Variants in RIMBP2 observed in about 807,000 individuals in gnomAD.
The protein encoded by RIMBP2 is RIMS binding protein 2.
A neutral mutation model predicts 118.6 loss-of-function variants in RIMBP2; 48 were observed. The ratio of observed to expected loss-of-function variants is 0.40; its 90% confidence interval spans 0.32 to 0.51. RIMBP2 has a LOEUF of 0.51. Among genes scored for constraint, RIMBP2 ranks in the 20% least tolerant of loss-of-function variants. The pLI is 0.41. For missense variants in RIMBP2, 1,551 were observed against 1,768.3 expected (o/e 0.88, Z 2.20); for synonymous variants, 762 against 742.9 (o/e 1.03, Z -0.42).
intron 2 of RIMBP2, among the ~76,000 whole-genome samples, chr12:130,571,878 G>C (rs1040052084): frequency 2.0e-5 from 3 of 152,050 alleles, no homozygotes; most frequent in African/African-American, 4.8e-5. Context: ...AGCCCACCTC[G>C]GGGCTGTACA....
chr12:130,620,310 C>T lies in RIMBP2; in HGVS notation c.-217+8012G>A, dbSNP rs1457832307. ...AGAGCATGTCTCCCACTCCCTCCCA[C>T]CCCAGGCGGGTCATCCTGCAGCTCT... On this transcript the variant is annotated intron_variant, in intron 2 of 22. Transcript: ENST00000690449. The surrounding 1 kb of genome is among the most constrained non-coding windows in gnomAD (Gnocchi z 5.3). 6.6e-6 allele frequency among the ~76,000 whole-genome samples: 1 copy of T among 151,966 alleles called. No individual in the cohort carries two copies. Among genetic ancestry groups the T allele is most frequent in the Non-Finnish European group, 1.5e-5 (1 of 68,034 alleles).
chr12:130,585,981 T>C (rs1206083952), intron 2 of RIMBP2, among the ~76,000 whole-genome samples: 1 of 152,246 alleles, frequency 6.6e-6, no homozygotes, highest in Non-Finnish European at 1.5e-5. Flanking sequence ...CTCATTGTTT[T>C]CCTATGACTG....
chr12:130,532,957 G>T lies in RIMBP2; in HGVS notation c.-216-15040C>A, dbSNP rs1403117954. Among the ~76,000 whole-genome samples the T allele has an allele frequency of 2.0e-5, 3 of 150,072 alleles. No individual in the cohort carries two copies. The East Asian group carries it at 6.0e-4, about 30-fold the overall frequency. Reference sequence around the variant, plus strand: ...AGGAGGGACGTCTAATGAGATGCGTGTGTGTAGCCTCTAGGAGTTACGTCT... The same window carrying T: ...AGGAGGGACGTCTAATGAGATGCGTTTGTGTAGCCTCTAGGAGTTACGTCT... On this transcript the variant is annotated intron_variant, in intron 2 of 22. Transcript: ENST00000690449.
intron 4 of RIMBP2, among the ~76,000 whole-genome samples, chr12:130,482,714 AG>A (rs1330921175): frequency 1.3e-5 from 2 of 152,012 alleles, no homozygotes; most frequent in Non-Finnish European, 2.9e-5. Flanking sequence ...TCTGCAGGGG[AG>A]GGGGCACACC....
At position 130,523,418 on chromosome 12, in the gene RIMBP2, G is replaced by A. The variant is rs1008242988; in HGVS notation, c.-216-5501C>T. Reference sequence around the variant, plus strand: ...GCCCGGTCTGTGGGATCCTGCTATGGCAGCCTGAGCTAGTGTATAGCCTCT... The same window carrying A: ...GCCCGGTCTGTGGGATCCTGCTATGACAGCCTGAGCTAGTGTATAGCCTCT... On this transcript the variant is annotated intron_variant, in intron 2 of 22. Coordinates refer to ENST00000690449, the MANE Select transcript of RIMBP2 (RefSeq NM_001393629.1). The surrounding 1 kb of genome is among the most constrained non-coding windows in gnomAD (Gnocchi z 4.4). Among the ~76,000 whole-genome samples the A allele has an allele frequency of 1.3e-5, 2 of 152,212 alleles. No homozygotes were observed. Among genetic ancestry groups the A allele is most frequent in the African/African-American group, 4.8e-5 (2 of 41,456 alleles).
chr12:130,568,432 AC>A (rs1692796291), intron 2 of RIMBP2, among the ~76,000 whole-genome samples: 1 of 152,230 alleles, frequency 6.6e-6, no homozygotes, highest in South Asian at 2.1e-4. Context: ...CTATGCATGG[AC>A]AGAGTTCTCT....
intron 21 of RIMBP2, among the ~76,000 whole-genome samples, chr12:130,400,117 C>T (rs192696418): frequency 1.3e-5 from 2 of 152,276 alleles, no homozygotes; most frequent in Admixed American, 1.3e-4. Context: ...CACTCCTTGG[C>T]AGATCTCATT....
At chr12:130,416,848 A>G (rs2076127674) in intron 17 of RIMBP2, among the ~76,000 whole-genome samples, 2 of 152,232 alleles carry the variant, frequency 1.3e-5, no homozygotes, top group Non-Finnish European at 2.9e-5. Flanking sequence ...CGGAATCTGC[A>G]AGGAACTTAA....
At chr12:130,677,339 T>C (rs1457429175) in intron 1 of RIMBP2, among the ~76,000 whole-genome samples, 1 of 152,032 alleles carries the variant, frequency 6.6e-6, no homozygotes, top group Non-Finnish European at 1.5e-5. Context: ...ATTAAGGTTA[T>C]CTTTAGGGCC....
intron 19 of RIMBP2, among the ~76,000 whole-genome samples, chr12:130,411,505 A>G (rs377080530): frequency 9.5e-4 from 145 of 152,266 alleles, no homozygotes; most frequent in African/African-American, 3.3e-3. Context: ...GGGCACATAG[A>G]TATATCAGGC....
intron 1 of RIMBP2, among the ~76,000 whole-genome samples, chr12:130,634,636 G>C (rs920867748): frequency 7.2e-5 from 11 of 151,784 alleles, no homozygotes; most frequent in African/African-American, 1.7e-4. Context: ...CTGCCACCTA[G>C]GCTGAAGTGC....
chr12:130,538,049 C>A (rs983074060), intron 2 of RIMBP2, among the ~76,000 whole-genome samples: 1 of 152,080 alleles, frequency 6.6e-6, no homozygotes, highest in Admixed American at 6.6e-5. Flanking sequence ...GTCAGTAGAA[C>A]CCCTCAGTGT....
chr12:130,569,301 G>C (rs1401700403), intron 2 of RIMBP2, among the ~76,000 whole-genome samples: 1 of 152,188 alleles, frequency 6.6e-6, no homozygotes, highest in Non-Finnish European at 1.5e-5. Flanking sequence ...TTCCAGAGAA[G>C]AGAAAGCCTT....
intron 1 of RIMBP2, among the ~76,000 whole-genome samples, chr12:130,680,111 T>C (rs1004798324): frequency 6.6e-6 from 1 of 152,240 alleles, no homozygotes; most frequent in Admixed American, 6.5e-5. Context: ...ATGCAGGCAA[T>C]ATGCTTTGTA....
chr12:130,437,052 C>T lies in RIMBP2; in HGVS notation c.1896G>A (p.Leu632=). 2 of 1,575,236 alleles carry T rather than the reference C, an allele frequency of 1.3e-6. No homozygotes were observed. Among genetic ancestry groups the T allele is most frequent in the African/African-American group, 2.7e-5 (2 of 73,958 alleles). ...CCTCATCCATCCTGGCGTGGGGACCCAGGTGCTCGTCTTTGGTTTCGGGGA... is the reference window on the plus strand; with the variant it reads ...CCTCATCCATCCTGGCGTGGGGACCTAGGTGCTCGTCTTTGGTTTCGGGGA... ...SGVPETKDEH[L]GPHARMDEAW... The change falls in exon 13 of 23, where the codon CTG becomes CTA. Residue 632 remains leucine, a synonymous_variant. Coordinates refer to ENST00000690449, the MANE Select transcript of RIMBP2 (RefSeq NM_001393629.1).
At chr12:130,606,972 T>G (rs1237990362) in intron 2 of RIMBP2, among the ~76,000 whole-genome samples, 2 of 152,046 alleles carry the variant, frequency 1.3e-5, no homozygotes, top group African/African-American at 4.8e-5. Context: ...GCTGGGATTA[T>G]AGGCGCTTGC....
At position 130,437,257 on chromosome 12, in the gene RIMBP2, G is replaced by A. The variant is rs761302797; in HGVS notation, c.1691C>T (p.Thr564Met). ...AEVIFPTADSTAVELVRLRSL... is the reference protein window; with the variant it reads ...AEVIFPTADSMAVELVRLRSL... ...CCGCAGCCGCACAAGCTCCACGGCCGTGCTGTCTGCCGTGGGGAAGATGAC... is the reference window on the plus strand; with the variant it reads ...CCGCAGCCGCACAAGCTCCACGGCCATGCTGTCTGCCGTGGGGAAGATGAC... The change falls in exon 13 of 23, where the codon ACG becomes ATG. Residue 564 changes from threonine (T) to methionine (M), a missense_variant. Around this residue, in one of 5 missense-constraint regions of RIMBP2, gnomAD observed 1,038 missense variants for 1,125.1 expected, o/e 0.92. Coordinates refer to ENST00000690449, the MANE Select transcript of RIMBP2 (RefSeq NM_001393629.1). 1.1e-5 allele frequency: 18 copies of A among 1,583,580 alleles called. No homozygotes were observed. The Admixed American group carries it at 1.4e-4, about 12-fold the overall frequency.
chr12:130,550,463 C>T lies in RIMBP2; in HGVS notation c.-216-32546G>A, dbSNP rs1260124621. ...GTCAAATGAAAGTAATTCTGAAGGG[C>T]GTCTGTACTTTAATTATATTGGGTG... On this transcript the variant is annotated intron_variant, in intron 2 of 22. Transcript: ENST00000690449. Among the ~76,000 whole-genome samples, 9 of 152,228 alleles carry T rather than the reference C, an allele frequency of 5.9e-5. 1 individual carries two copies. Among genetic ancestry groups the T allele is most frequent in the Non-Finnish European group, 7.4e-5 (5 of 68,012 alleles).
chr12:130,491,675 G>A (rs1013814763), intron 4 of RIMBP2, among the ~76,000 whole-genome samples: 11 of 152,124 alleles, frequency 7.2e-5, no homozygotes, highest in African/African-American at 1.4e-4. Context: ...TGAAAACCTC[G>A]GGTTTCGCCC....
Sources: gnomAD v4.1 joint callset for allele counts (sites outside exome capture counted in the v4.1 genomes callset) on GRCh38, gnomAD v4.1.1 for gene constraint, gnomAD v4.1.1 regional missense constraint, Gnocchi (gnomAD v3.1) non-coding constraint, MANE v1.5 for transcripts, NCBI Gene and HGNC (gene_info 2026-07-23, HGNC 2026-07-21) for gene names.